MTUS2: variants seen among roughly 807,000 people sequenced by gnomAD.
MTUS2 encodes the protein microtubule associated scaffold protein 2.
A neutral mutation model predicts 114.1 loss-of-function variants in MTUS2; 40 were observed. The observed-to-expected ratio is 0.35, with a 90% CI of 0.27 to 0.46. The LOEUF is 0.46. Among genes scored for constraint, MTUS2 ranks in the 20% least tolerant of loss-of-function variants. The pLI is 1.00. For missense variants in MTUS2, 1,679 were observed against 1,705.4 expected (o/e 0.98, Z 0.27); for synonymous variants, 688 against 672.0 (o/e 1.02, Z -0.37).
intron 10 of MTUS2, among the ~76,000 whole-genome samples, chr13:29,482,674 A>G (rs1463430148): frequency 6.6e-6 from 1 of 152,252 alleles, no homozygotes; most frequent in Non-Finnish European, 1.5e-5. Context: ...ATAAGTGCCC[A>G]AGGAACTGTC....
intron 8 of MTUS2, among the ~76,000 whole-genome samples, chr13:29,370,230 G>C (rs543748207): frequency 2.0e-5 from 3 of 152,226 alleles, no homozygotes; most frequent in Admixed American, 1.3e-4. Context: ...GCTATGGTTT[G>C]CATGTGTCCC....
intron 4 of MTUS2, among the ~76,000 whole-genome samples, chr13:29,068,172 T>C (rs948823321): frequency 5.9e-5 from 9 of 152,216 alleles, no homozygotes; most frequent in Non-Finnish European, 8.8e-5. Flanking sequence ...TCTTGGAGGC[T>C]GCAAAAGAAC....
At chr13:29,316,761 A>C in intron 6 of MTUS2, among the ~76,000 whole-genome samples, 1 of 152,214 alleles carries the variant, frequency 6.6e-6, no homozygotes, top group East Asian at 1.9e-4. Context: ...TTCATTTGCA[A>C]ACCAGTAATA....
At chr13:28,960,292 T>C (rs1299974014) in intron 2 of MTUS2, among the ~76,000 whole-genome samples, 2 of 152,192 alleles carry the variant, frequency 1.3e-5, no homozygotes, top group African/African-American at 4.8e-5. Flanking sequence ...GATTATAAAA[T>C]GGTACAAAGA....
chr13:29,162,046 C>T (rs139074232), intron 5 of MTUS2, among the ~76,000 whole-genome samples: 27 of 152,248 alleles, frequency 1.8e-4, no homozygotes, highest in Non-Finnish European at 2.2e-4. Context: ...TTTAGATATC[C>T]GCCAGACACT....
chr13:28,951,682 C>T (rs927029086), intron 2 of MTUS2, among the ~76,000 whole-genome samples: 5 of 152,002 alleles, frequency 3.3e-5, no homozygotes, highest in African/African-American at 1.2e-4. Context: ...GCCTGTAGTC[C>T]CAGCTTCCTG....
At chr13:29,387,065 C>T (rs1872675087) in intron 8 of MTUS2, among the ~76,000 whole-genome samples, 1 of 152,174 alleles carries the variant, frequency 6.6e-6, no homozygotes, top group Non-Finnish European at 1.5e-5. Flanking sequence ...GGATGCTAGG[C>T]ACTGGGGATT....
At chr13:29,304,713 A>T (rs1219500755) in intron 6 of MTUS2, among the ~76,000 whole-genome samples, 1 of 152,146 alleles carries the variant, frequency 6.6e-6, no homozygotes, top group African/African-American at 2.4e-5. Context: ...CCCACTGACA[A>T]TATTAGACAG....
rs145387426 is a variant in MTUS2, at chr13:29,026,389, A to G, written c.1691A>G (p.Asp564Gly). Residue 564 changes from aspartate to glycine, a missense_variant, in exon 3 of 16, where the codon GAT becomes GGT. This residue lies in a region of MTUS2 where 843 missense variants were observed against 770.8 expected (regional missense o/e 1.09). Transcript: ENST00000612955. Reference sequence around the variant, plus strand: ...CAGGATGTTAGCGTGTTCGGTATGGATGCGGGGTCCCCCTTGGTAGTTCCA... The same window carrying G: ...CAGGATGTTAGCGTGTTCGGTATGGGTGCGGGGTCCCCCTTGGTAGTTCCA... ...SFQDVSVFGM[D>G]AGSPLVVPPP... is the part of the protein sequence containing the mutation. The G allele has an allele frequency of 3.2e-3, 5,170 of 1,613,878 alleles. 15 individuals carry two copies. The highest frequency in any genetic ancestry group is 4.1e-3 in the Non-Finnish European group (4,825 of 1,179,838).
chr13:28,941,407 A>G (rs1403932177), intron 2 of MTUS2, among the ~76,000 whole-genome samples: 1 of 152,126 alleles, frequency 6.6e-6, no homozygotes, highest in Non-Finnish European at 1.5e-5. Context: ...TAATACGTAA[A>G]TATTTAGAAC....
intron 5 of MTUS2, among the ~76,000 whole-genome samples, chr13:29,210,338 A>G (rs1895372396): frequency 6.6e-6 from 1 of 151,796 alleles, no homozygotes. Context: ...CATGTTCTGT[A>G]ACTTTGTTTT....
intron 5 of MTUS2, among the ~76,000 whole-genome samples, chr13:29,159,438 G>T (rs1422641880): frequency 6.6e-6 from 1 of 152,004 alleles, no homozygotes; most frequent in African/African-American, 2.4e-5. Context: ...CAGGATCTAG[G>T]ACTAAGCAAA....
At chr13:29,058,220 AT>A (rs1296142777) in intron 4 of MTUS2, among the ~76,000 whole-genome samples, 3 of 74,218 alleles carry the variant, frequency 4.0e-5, no homozygotes, top group Non-Finnish European at 6.1e-5. Flanking sequence ...TTTTTTTTTC[AT>A]TTTGACTTTG....
intron 6 of MTUS2, among the ~76,000 whole-genome samples, chr13:29,317,110 A>G (rs1900023022): frequency 6.6e-6 from 1 of 152,184 alleles, no homozygotes; most frequent in Non-Finnish European, 1.5e-5. Context: ...TCCAGGTAAT[A>G]ATTAGGCTTC....
chr13:29,311,249 G>A, intron 6 of MTUS2, among the ~76,000 whole-genome samples: 1 of 152,186 alleles, frequency 6.6e-6, no homozygotes, highest in East Asian at 1.9e-4. Flanking sequence ...CTTCTTGACA[G>A]TTGTTTCCTC....
intron 9 of MTUS2, among the ~76,000 whole-genome samples, chr13:29,454,302 T>C (rs1878952893): frequency 6.6e-6 from 1 of 152,170 alleles, no homozygotes; most frequent in African/African-American, 2.4e-5. Context: ...GTCAGAAAGA[T>C]GATTCCAGGT....
At chr13:29,411,614 T>G (rs1011061301) in intron 8 of MTUS2, among the ~76,000 whole-genome samples, 4 of 152,184 alleles carry the variant, frequency 2.6e-5, no homozygotes, top group African/African-American at 9.7e-5. Context: ...AAACACAGAT[T>G]TGTTGGTGTT....
intron 5 of MTUS2, among the ~76,000 whole-genome samples, chr13:29,115,308 A>C (rs879578032): frequency 6.6e-5 from 10 of 152,208 alleles, no homozygotes; most frequent in Non-Finnish European, 1.2e-4. Context: ...TTTGTGAGAC[A>C]GTTTTGGCTC....
intron 8 of MTUS2, 129 bp downstream of exon 8, chr13:29,359,602 G>C: frequency 9.5e-7 from 1 of 1,049,362 alleles, no homozygotes; most frequent in Non-Finnish European, 1.4e-6. Flanking sequence ...GGATTTTCAG[G>C]AGTTCAGGCA....
Sources: gnomAD v4.1 joint callset for allele counts (sites outside exome capture counted in the v4.1 genomes callset) on GRCh38, gnomAD v4.1.1 for gene constraint, gnomAD v4.1.1 regional missense constraint, MANE v1.5 for transcripts, NCBI Gene and HGNC (gene_info 2026-07-23, HGNC 2026-07-21) for gene names.